MLIP: variants seen among roughly 807,000 people sequenced by gnomAD.
MLIP encodes the protein muscular LMNA-interacting protein.
A neutral mutation model predicts 84.8 loss-of-function variants in MLIP; 79 were observed. The ratio of observed to expected loss-of-function variants is 0.93; its 90% CI spans 0.78 to 1.12. The LOEUF is 1.12. MLIP is among the 50% of genes most tolerant of loss of function. The pLI, the probability that MLIP is intolerant of heterozygous loss-of-function variation, is 0.00. For missense variants in MLIP, 1,257 were observed against 1,160.6 expected (o/e 1.08, Z -1.21); for synonymous variants, 504 against 463.0 (o/e 1.09, Z -1.14).
At chr6:54,036,441 T>C (rs966276582) in intron 1 of MLIP, among the ~76,000 whole-genome samples, 2 of 151,904 alleles carry the variant, frequency 1.3e-5, no homozygotes, top group Non-Finnish European at 2.9e-5. Context: ...ATTTGTAGAG[T>C]AGTCTAAGCT....
chr6:54,059,702 G>T (rs1765855258), intron 1 of MLIP, among the ~76,000 whole-genome samples: 1 of 152,082 alleles, frequency 6.6e-6, no homozygotes, highest in Admixed American at 6.6e-5. Flanking sequence ...TAAATAACAA[G>T]ATTAGTATTA....
At chr6:54,235,166 A>G (rs1380971497) in intron 12 of MLIP, among the ~76,000 whole-genome samples, 1 of 152,124 alleles carries the variant, frequency 6.6e-6, no homozygotes, top group Non-Finnish European at 1.5e-5. Context: ...CCTTATATTG[A>G]GTCATTCACC....
intron 1 of MLIP, among the ~76,000 whole-genome samples, chr6:54,050,330 T>G (rs1446277908): frequency 2.6e-5 from 4 of 152,154 alleles, no homozygotes; most frequent in African/African-American, 9.7e-5. Flanking sequence ...TAACCATGAC[T>G]AATGCCTTAG....
At chr6:54,138,572 T>C (rs1432838566) in intron 4 of MLIP, among the ~76,000 whole-genome samples, 2 of 152,190 alleles carry the variant, frequency 1.3e-5, no homozygotes, top group Non-Finnish European at 2.9e-5. Flanking sequence ...TCAGACATAA[T>C]ATGAGTTATA....
At chr6:54,135,119 CTGCCCAGCTAGTAGTGTTTGGAT>C (rs1487225559) in intron 3 of MLIP, among the ~76,000 whole-genome samples, 1 of 152,088 alleles carries the variant, frequency 6.6e-6, no homozygotes, top group Non-Finnish European at 1.5e-5. Flanking sequence ...AAACATTCAG[CTGCCCAGCTAGTAGTGTTTGGAT>C]TTAAATATAT....
At chr6:54,105,677 G>A (rs556085979) in intron 1 of MLIP, among the ~76,000 whole-genome samples, 3 of 152,272 alleles carry the variant, frequency 2.0e-5, no homozygotes, top group African/African-American at 7.2e-5. Flanking sequence ...TGGCAGGGGG[G>A]CAGGTGTGGG....
chr6:54,036,239 CTG>C (rs1764430643), intron 1 of MLIP, among the ~76,000 whole-genome samples: 1 of 57,284 alleles, frequency 1.7e-5, no homozygotes, highest in Admixed American at 3.0e-4. Context: ...TTAGTCACCA[CTG>C]TTTTTTTTTT....
intron 1 of MLIP, among the ~76,000 whole-genome samples, chr6:54,114,725 G>A (rs1421603150): frequency 6.6e-6 from 1 of 152,172 alleles, no homozygotes. Flanking sequence ...AACTCCATGA[G>A]GGTAGGGATT....
intron 1 of MLIP, among the ~76,000 whole-genome samples, chr6:54,100,873 G>A (rs895941695): frequency 6.6e-6 from 1 of 152,244 alleles, no homozygotes; most frequent in African/African-American, 2.4e-5. Context: ...GTAGACATCA[G>A]CTGGTTTGTT....
At chr6:54,245,664 T>G (rs915947890) in intron 12 of MLIP, among the ~76,000 whole-genome samples, 12 of 152,292 alleles carry the variant, frequency 7.9e-5, no homozygotes, top group African/African-American at 2.6e-4. Context: ...CTTGAAAAGC[T>G]ATTGTTTTTT....
chr6:54,111,398 T>C, upstream of MLIP: 2 of 1,508,150 alleles, frequency 1.3e-6, no homozygotes, highest in African/African-American at 1.4e-5. Flanking sequence ...TCTTTCTGCG[T>C]GAGTGTGTGT....
At position 54,137,161 on chromosome 6, in the gene MLIP, A is replaced by G. The variant is rs1771876197; in HGVS notation, c.1092A>G (p.Ile364Met). The G allele has an allele frequency of 2.6e-6, 4 of 1,535,822 alleles. No individual in the cohort carries two copies. Among genetic ancestry groups the G allele is most frequent in the Non-Finnish European group, 3.5e-6 (4 of 1,146,878 alleles). The change falls in exon 4 of 14, where the codon ATA (isoleucine) becomes ATG (methionine). Residue 364 changes from isoleucine (I) to methionine (M), a missense_variant. By Grantham distance (10) the Ile-to-Met change is conservative (BLOSUM62 1). Coordinates refer to ENST00000502396, the MANE Select transcript of MLIP (RefSeq NM_001281747.2). ...ASLKSNSASY[I>M]PVRIVTHSLS... Reference sequence around the variant, plus strand: ...TGAAGTCGAATTCGGCCTCGTACATACCAGTCCGCATTGTCACGCATTCAC... The same window carrying G: ...TGAAGTCGAATTCGGCCTCGTACATGCCAGTCCGCATTGTCACGCATTCAC...
chr6:54,052,842 A>G (rs1765450174), intron 1 of MLIP, among the ~76,000 whole-genome samples: 1 of 152,176 alleles, frequency 6.6e-6, no homozygotes, highest in Admixed American at 6.5e-5. Flanking sequence ...ATTGGTTTCT[A>G]AAGTGAATCT....
At chr6:54,035,920 T>C (rs1387440536) in intron 1 of MLIP, among the ~76,000 whole-genome samples, 2 of 152,108 alleles carry the variant, frequency 1.3e-5, no homozygotes, top group African/African-American at 4.8e-5. Context: ...GGTTGTAGCA[T>C]GTCTTTCATC....
At chr6:54,127,463 G>A (rs1771018446) in intron 3 of MLIP, among the ~76,000 whole-genome samples, 1 of 152,090 alleles carries the variant, frequency 6.6e-6, no homozygotes, top group Admixed American at 6.6e-5. Context: ...CTCAGATATT[G>A]ACACCTTCAT....
chr6:54,132,322 T>G (rs1433599985), intron 3 of MLIP, among the ~76,000 whole-genome samples: 1 of 152,088 alleles, frequency 6.6e-6, no homozygotes, highest in East Asian at 1.9e-4. Flanking sequence ...AGGAAAAAAT[T>G]AAAAAGGATA....
In MLIP at chr6:54,240,414, T is replaced by C. The variant is rs574765705; in HGVS notation, c.2922+9497T>C. On this transcript the variant is annotated intron_variant, in intron 12 of 13. Transcript: ENST00000502396. ...ATGTATTTCCTTTAATTCCCATTTG[T>C]CACTCTTCTTTCCTTTCTGCCCCCA... 4.6e-5 allele frequency among the ~76,000 whole-genome samples: 7 copies of C among 152,348 alleles called. No homozygotes were observed. In the South Asian group the frequency reaches 1.4e-3, roughly 32 times the overall value.
At chr6:54,102,391 A>G (rs1222878857) in intron 1 of MLIP, among the ~76,000 whole-genome samples, 1 of 152,132 alleles carries the variant, frequency 6.6e-6, no homozygotes, top group African/African-American at 2.4e-5. Context: ...GTGACAGACT[A>G]TGGTTGCCAA....
At chr6:54,044,574 C>T (rs1764926175) in intron 1 of MLIP, among the ~76,000 whole-genome samples, 1 of 151,928 alleles carries the variant, frequency 6.6e-6, no homozygotes, top group South Asian at 2.1e-4. Context: ...GTAGGTCAAA[C>T]ACATGGCTGC....
Sources: allele counts gnomAD v4.1 joint callset (sites outside exome capture counted in the v4.1 genomes callset), GRCh38; gene constraint gnomAD v4.1.1; transcripts MANE v1.5; gene names NCBI Gene and HGNC (gene_info 2026-07-23, HGNC 2026-07-21).